RABGAP1L: variants seen among roughly 807,000 people sequenced by gnomAD.
RABGAP1L encodes RAB GTPase activating protein 1 like, also known as rab GTPase-activating protein 1-like.
Under a neutral mutation model 137.7 loss-of-function variants are expected in RABGAP1L, and 63 were observed. The ratio of observed to expected loss-of-function variants is 0.46; its 90% confidence interval spans 0.37 to 0.56. The LOEUF is 0.56. RABGAP1L is among the 20% of genes least tolerant of loss of function. The pLI, the probability that RABGAP1L is intolerant of heterozygous loss-of-function variation, is 0.00. For synonymous variants in RABGAP1L, 431 were observed against 433.7 expected (o/e 0.99, Z 0.08); for missense variants, 1,095 against 1,244.0 (o/e 0.88, Z 1.80).
intron 1 of RABGAP1L, among the ~76,000 whole-genome samples, chr1:174,186,779 T>C (rs1484132520): frequency 6.6e-6 from 1 of 152,232 alleles, no homozygotes; most frequent in Non-Finnish European, 1.5e-5. Flanking sequence ...ACATACACTT[T>C]AAACATTTTA....
chr1:174,812,646 T>G (rs1038901729), intron 19 of RABGAP1L, among the ~76,000 whole-genome samples: 2 of 152,194 alleles, frequency 1.3e-5, no homozygotes, highest in Non-Finnish European at 2.9e-5. Flanking sequence ...TCTTAGGGAC[T>G]TTACATTCTT....
chr1:174,255,529 C>G (rs570487655), intron 7 of RABGAP1L, among the ~76,000 whole-genome samples: 1 of 152,010 alleles, frequency 6.6e-6, no homozygotes, highest in African/African-American at 2.4e-5. Flanking sequence ...GCTTTGCATT[C>G]TCTTTCTTTT....
chr1:174,814,426 T>C (rs1215999771), intron 19 of RABGAP1L, among the ~76,000 whole-genome samples: 1 of 152,234 alleles, frequency 6.6e-6, no homozygotes, highest in Non-Finnish European at 1.5e-5. Flanking sequence ...TTATAACATA[T>C]AATTGTAGAG....
chr1:174,563,256 T>G (rs1572337764), intron 13 of RABGAP1L, among the ~76,000 whole-genome samples: 1 of 152,340 alleles, frequency 6.6e-6, no homozygotes, highest in East Asian at 1.9e-4. Flanking sequence ...AATTTATGTT[T>G]GGTTTTATGT....
At chr1:174,754,825 C>T (rs540882642) in intron 18 of RABGAP1L, among the ~76,000 whole-genome samples, 1 of 152,228 alleles carries the variant, frequency 6.6e-6, no homozygotes, top group East Asian at 1.9e-4. Context: ...TGAATTGAGC[C>T]TAAGGAATTT....
chr1:174,669,759 T>G (rs1392186338), intron 14 of RABGAP1L, among the ~76,000 whole-genome samples: 1 of 152,212 alleles, frequency 6.6e-6, no homozygotes, highest in Non-Finnish European at 1.5e-5. Flanking sequence ...TGTATGTTCT[T>G]AGTACCTTTG....
intron 1 of RABGAP1L, among the ~76,000 whole-genome samples, chr1:174,192,503 A>T (rs1309744558): frequency 6.6e-6 from 1 of 151,906 alleles, no homozygotes; most frequent in African/African-American, 2.4e-5. Flanking sequence ...TTGTATTTTT[A>T]TTAGAGACAG....
chr1:174,834,555 C>CA (rs1692529355), intron 19 of RABGAP1L, among the ~76,000 whole-genome samples: 1 of 151,962 alleles, frequency 6.6e-6, no homozygotes, highest in Non-Finnish European at 1.5e-5. Flanking sequence ...CCAGGACTCT[C>CA]AAAGACTTCT....
chr1:174,341,969 T>A (rs1014158347), intron 11 of RABGAP1L, among the ~76,000 whole-genome samples: 1 of 152,176 alleles, frequency 6.6e-6, no homozygotes, highest in Non-Finnish European at 1.5e-5. Flanking sequence ...TCAGTGGAGC[T>A]GGCTAAATGT....
At chr1:174,436,111 AC>A (rs1403351321) in intron 13 of RABGAP1L, among the ~76,000 whole-genome samples, 1 of 152,214 alleles carries the variant, frequency 6.6e-6, no homozygotes, top group African/African-American at 2.4e-5. Flanking sequence ...TGCCACAATA[AC>A]CATACATGTG....
chr1:174,257,547 C>T (rs185625185), intron 7 of RABGAP1L, among the ~76,000 whole-genome samples: 3 of 152,248 alleles, frequency 2.0e-5, no homozygotes, highest in East Asian at 3.9e-4. Flanking sequence ...TATATTCATA[C>T]AACAATTTTA....
chr1:174,755,484 G>A (rs554465640), intron 18 of RABGAP1L, among the ~76,000 whole-genome samples: 2 of 152,262 alleles, frequency 1.3e-5, no homozygotes, highest in African/African-American at 4.8e-5. Flanking sequence ...TTTGCTGTCC[G>A]TGGTTAAAAG....
At chr1:174,842,271 T>G (rs1389861285) in intron 19 of RABGAP1L, among the ~76,000 whole-genome samples, 1 of 152,198 alleles carries the variant, frequency 6.6e-6, no homozygotes, top group African/African-American at 2.4e-5. Flanking sequence ...CTCTGGGAAG[T>G]AGTGATGCCT....
intron 19 of RABGAP1L, among the ~76,000 whole-genome samples, chr1:174,914,236 T>G (rs1344049210): frequency 2.0e-5 from 3 of 152,252 alleles, no homozygotes; most frequent in Non-Finnish European, 4.4e-5. Flanking sequence ...CCTCTCAAGC[T>G]GCTTCCATTG....
chr1:174,332,648 G>A (rs1005908621), intron 11 of RABGAP1L, among the ~76,000 whole-genome samples: 1 of 151,962 alleles, frequency 6.6e-6, no homozygotes, highest in African/African-American at 2.4e-5. Context: ...CACCCTCCTC[G>A]GCCTTCCAAA....
intron 18 of RABGAP1L, among the ~76,000 whole-genome samples, chr1:174,808,152 A>T (rs1191059085): frequency 6.6e-6 from 1 of 150,736 alleles, no homozygotes; most frequent in Non-Finnish European, 1.5e-5. Flanking sequence ...CCCGGCTAAA[A>T]TTTTTTTTGT....
At chr1:174,586,267 C>T (rs1268603011) in intron 13 of RABGAP1L, among the ~76,000 whole-genome samples, 24 of 151,690 alleles carry the variant, frequency 1.6e-4, no homozygotes, top group Admixed American at 7.2e-4. Context: ...AGCAAACTAA[C>T]GCAGGAACAG....
chr1:174,330,382 CT>C (rs1170451426), intron 11 of RABGAP1L, among the ~76,000 whole-genome samples: 4 of 152,084 alleles, frequency 2.6e-5, no homozygotes, highest in African/African-American at 9.7e-5. Flanking sequence ...GAGTTTGAGA[CT>C]AGGCTGGGCA....
chr1:174,524,169 C>T (rs1440965362), intron 13 of RABGAP1L, among the ~76,000 whole-genome samples: 2 of 151,886 alleles, frequency 1.3e-5, no homozygotes, highest in African/African-American at 4.8e-5. Flanking sequence ...ATTGCTGAAT[C>T]ATATGGTAGT....
Sources: allele counts gnomAD v4.1 joint callset (sites outside exome capture counted in the v4.1 genomes callset), GRCh38; gene constraint gnomAD v4.1.1; transcripts MANE v1.5; gene names NCBI Gene and HGNC (gene_info 2026-07-23, HGNC 2026-07-21).